The following CHST11 variants were observed in gnomAD, a reference collection of about 807,000 sequenced individuals.
The protein encoded by CHST11 is C4S-1.
In CHST11, 9 loss-of-function variants were observed where a neutral mutation model predicts 30.4. That is an observed-to-expected ratio of 0.30 (90% CI 0.18 to 0.52). The LOEUF (loss-of-function observed/expected upper bound fraction) is 0.52. Among genes scored for constraint, CHST11 ranks in the 20% least tolerant of loss-of-function variants. CHST11 has a pLI of 0.97. For missense variants in CHST11, 348 were observed against 460.6 expected, an observed-to-expected ratio of 0.76 and a Z score of 2.24; for synonymous variants, 152 against 187.8, an observed-to-expected ratio of 0.81 and a Z score of 1.56.
intron 1 of CHST11, among the ~76,000 whole-genome samples, chr12:104,497,380 G>A (rs1327447426): frequency 1.3e-5 from 2 of 152,192 alleles, no homozygotes; most frequent in Admixed American, 6.5e-5. Flanking sequence ...GATGGTGGCC[G>A]TCTGCAGGCC....
intron 2 of CHST11, among the ~76,000 whole-genome samples, chr12:104,658,259 A>G (rs1286454852): frequency 6.6e-6 from 1 of 152,240 alleles, no homozygotes; most frequent in Non-Finnish European, 1.5e-5. Flanking sequence ...GGAGTCTAAG[A>G]TCAAGGTGTG....
rs140921156 is a variant in CHST11 at position 104,513,857 on chromosome 12, C to T, written c.118+56328C>T. On this transcript the variant is annotated intron_variant, in intron 1 of 2. Transcript: ENST00000303694. ...AGTGCAGGAAGAATTCTGGCAGTGG[C>T]GTCAGAAGGCCAAGGCTCGGCAACC... Among the ~76,000 whole-genome samples, 226 of 152,280 alleles carry T rather than the reference C, an allele frequency of 1.5e-3. 2 individuals are homozygous for T. The highest frequency in any genetic ancestry group is 5.1e-3 in the African/African-American group (210 of 41,564).
chr12:104,605,655 C>G (rs1485987167), intron 2 of CHST11, among the ~76,000 whole-genome samples: 4 of 152,186 alleles, frequency 2.6e-5, no homozygotes, highest in Non-Finnish European at 5.9e-5. Flanking sequence ...TTATAATTTT[C>G]CTGGTTCTCT....
At chr12:104,632,422 A>T (rs560039677) in intron 2 of CHST11, among the ~76,000 whole-genome samples, 1 of 152,272 alleles carries the variant, frequency 6.6e-6, no homozygotes, top group South Asian at 2.1e-4. Context: ...TGTGCAAGGG[A>T]AGTGCCGAGC....
At chr12:104,663,058 C>T (rs2136089345) in intron 2 of CHST11, among the ~76,000 whole-genome samples, 1 of 152,346 alleles carries the variant, frequency 6.6e-6, no homozygotes, top group Non-Finnish European at 1.5e-5. Flanking sequence ...CAACTGTTCC[C>T]CTAGAAAAAT....
intron 1 of CHST11, among the ~76,000 whole-genome samples, chr12:104,523,263 T>C (rs7970489): frequency 0.37 from 56,816 of 152,116 alleles, 11,102 homozygotes; most frequent in African/African-American, 0.46. Flanking sequence ...TCTCTGTCCC[T>C]CCTCCTCTGG....
intron 1 of CHST11, among the ~76,000 whole-genome samples, chr12:104,521,115 A>C (rs12306794): frequency 6.6e-6 from 1 of 152,222 alleles, no homozygotes; most frequent in African/African-American, 2.4e-5. Flanking sequence ...TGCTCAATAC[A>C]TATTTGTAGA....
intron 2 of CHST11, among the ~76,000 whole-genome samples, chr12:104,631,516 G>T (rs959413279): frequency 6.6e-6 from 1 of 152,152 alleles, no homozygotes; most frequent in Admixed American, 6.5e-5. Flanking sequence ...CCAGAGATGG[G>T]AAGGAGGCTG....
chr12:104,557,576 G>A (rs966919477), intron 1 of CHST11, among the ~76,000 whole-genome samples: 40 of 152,090 alleles, frequency 2.6e-4, no homozygotes, highest in African/African-American at 6.3e-4. Context: ...AGAGGAGGGC[G>A]GCTGGACAGG....
chr12:104,515,135 T>C (rs1324025256), intron 1 of CHST11, among the ~76,000 whole-genome samples: 1 of 152,038 alleles, frequency 6.6e-6, no homozygotes, highest in African/African-American at 2.4e-5. Flanking sequence ...GAAAAAAAAA[T>C]CAAAAGAAGA....
At chr12:104,616,866 T>C (rs2039112963) in intron 2 of CHST11, among the ~76,000 whole-genome samples, 1 of 152,146 alleles carries the variant, frequency 6.6e-6, no homozygotes, top group Middle Eastern at 3.2e-3. Flanking sequence ...TCAAGTAGGT[T>C]AGGTCACAAA....
chr12:104,686,367 T>A (rs114599314), intron 2 of CHST11, among the ~76,000 whole-genome samples: 207 of 152,286 alleles, frequency 1.4e-3, no homozygotes, highest in African/African-American at 4.7e-3. Flanking sequence ...GTGGGACAGC[T>A]GTGCTCTGAG....
At chr12:104,573,002 C>T (rs2136025409) in intron 1 of CHST11, among the ~76,000 whole-genome samples, 1 of 152,292 alleles carries the variant, frequency 6.6e-6, no homozygotes. Context: ...AGCTGATAGG[C>T]AACTTCAGCA....
intron 1 of CHST11, among the ~76,000 whole-genome samples, chr12:104,467,299 T>A (rs1016087160): frequency 2.0e-4 from 31 of 152,180 alleles, no homozygotes; most frequent in African/African-American, 7.5e-4. Context: ...TTTTTTTAGG[T>A]TAACTGAAAA....
At chr12:104,522,162 T>G (rs1304075796) in intron 1 of CHST11, among the ~76,000 whole-genome samples, 1 of 152,346 alleles carries the variant, frequency 6.6e-6, no homozygotes, top group East Asian at 1.9e-4. Context: ...TTGCTTTGGC[T>G]CTTTTTCTCA....
rs2038949424 is a variant in CHST11 at position 104,600,704 on chromosome 12, G to A, written c.119-1202G>A. On this transcript the variant is annotated intron_variant, in intron 1 of 2. Coordinates refer to ENST00000303694, the MANE Select transcript of CHST11 (RefSeq NM_018413.6). This position sits in a 1 kb window ranked among gnomAD's most constrained non-coding sequence, Gnocchi z 4.1. Reference sequence around the variant, plus strand: ...GGGAATGTCCTGCTGTCCATTCATTGCCTCTGTGGAGCAGGTGAATTCTTT... The same window carrying A: ...GGGAATGTCCTGCTGTCCATTCATTACCTCTGTGGAGCAGGTGAATTCTTT... Among the ~76,000 whole-genome samples the A allele has an allele frequency of 6.6e-6, 1 of 152,140 alleles. No individual in the cohort carries two copies.
At chr12:104,555,414 T>C (rs1195377382) in intron 1 of CHST11, among the ~76,000 whole-genome samples, 1 of 152,218 alleles carries the variant, frequency 6.6e-6, no homozygotes, top group Admixed American at 6.5e-5. Context: ...TAATCTGGAG[T>C]GACCTGAGAA....
At chr12:104,585,290 A>G (rs1324218704) in intron 1 of CHST11, among the ~76,000 whole-genome samples, 1 of 152,220 alleles carries the variant, frequency 6.6e-6, no homozygotes, top group Non-Finnish European at 1.5e-5. Flanking sequence ...TCCAGCATAC[A>G]TCATCAACGC....
At chr12:104,751,648 C>T (rs1467922246) in intron 2 of CHST11, among the ~76,000 whole-genome samples, 2 of 152,210 alleles carry the variant, frequency 1.3e-5, no homozygotes, top group Admixed American at 6.5e-5. Flanking sequence ...AGAATGCCTA[C>T]GTATTAACTA....
Sources: allele counts gnomAD v4.1 joint callset (sites outside exome capture counted in the v4.1 genomes callset), GRCh38; gene constraint gnomAD v4.1.1; non-coding constraint Gnocchi (gnomAD v3.1); transcripts MANE v1.5; gene names NCBI Gene and HGNC (gene_info 2026-07-23, HGNC 2026-07-21).